Variants in EIF2S3B observed in about 807,000 individuals in gnomAD.
EIF2S3B encodes the protein eukaryotic translation initiation factor 2 subunit gamma B.
A neutral mutation model predicts 26.4 loss-of-function variants in EIF2S3B; 16 were observed. The ratio of observed to expected loss-of-function variants is 0.61; its 90% CI spans 0.41 to 0.92. The LOEUF (loss-of-function observed/expected upper bound fraction) is 0.92, where lower values mean the gene tolerates loss of function less well. EIF2S3B is among the 40% of genes least tolerant of loss of function. The probability of loss-of-function intolerance (pLI) is 0.00; values close to 1 mark genes in which losing one functional copy is unlikely to be tolerated. For missense variants in EIF2S3B, 510 were observed against 575.5 expected (o/e 0.89, Z 1.16); for synonymous variants, 183 against 204.4 (o/e 0.90, Z 0.89).
intron 1 of EIF2S3B, among the ~76,000 whole-genome samples, chr12:10,518,140 A>G (rs916114120): frequency 6.6e-6 from 1 of 152,108 alleles, no homozygotes; most frequent in Non-Finnish European, 1.5e-5. Flanking sequence ...CTTGGTGCAG[A>G]GCTGAGTTCA....
chr12:10,508,624 T>TTA (rs539652616), downstream of EIF2S3B, among the ~76,000 whole-genome samples: 377 of 151,762 alleles, frequency 2.5e-3, 3 homozygotes, highest in Non-Finnish European at 4.4e-3. Flanking sequence ...GGCATTGTGA[T>TTA]TATACATCCC....
chr12:10,511,651 C>T (rs73062509), downstream of EIF2S3B, among the ~76,000 whole-genome samples: 21,774 of 152,056 alleles, frequency 0.14, 1,598 homozygotes, highest in Middle Eastern at 0.17. Flanking sequence ...TTAAAGAATT[C>T]AGCTGGCTTT....
chr12:10,514,288 T>A (rs1156257338), intron 1 of EIF2S3B, among the ~76,000 whole-genome samples: 2 of 152,162 alleles, frequency 1.3e-5, no homozygotes, highest in Non-Finnish European at 2.9e-5. Flanking sequence ...TTCTAAATGT[T>A]GACTTATCCT....
At chr12:10,510,398 C>T (rs1290409935), downstream of EIF2S3B, among the ~76,000 whole-genome samples, 1 of 152,146 alleles carries the variant, frequency 6.6e-6, no homozygotes, top group Non-Finnish European at 1.5e-5. Flanking sequence ...ATACCTGCTC[C>T]TCTTTGTCAT....
Position 10,506,817 on chromosome 12 carries a change from T to C in EIF2S3B, c.915T>C (p.Ser305=). The change falls in exon 1 of 1, where the codon AGT becomes AGC. Residue 305 remains serine (S), a synonymous_variant. Coordinates refer to ENST00000538173, the MANE Select transcript of EIF2S3B (RefSeq NM_001357734.3). ...GACCTGGTATTGTTTCCAAAGATAG[T>C]GAAGGAAAACTCATGTGTAAATCAA... is the stretch of plus-strand genomic sequence containing the variant. ...EVRPGIVSKD[S]EGKLMCKSIF... is the part of the protein sequence containing the mutation. 1 of 1,613,488 alleles carries C rather than the reference T, an allele frequency of 6.2e-7. No homozygotes were observed. The highest frequency in any genetic ancestry group is 8.5e-7 in the Non-Finnish European group (1 of 1,179,430).
At chr12:10,508,704 C>T (rs1864673732), downstream of EIF2S3B, among the ~76,000 whole-genome samples, 1 of 151,638 alleles carries the variant, frequency 6.6e-6, no homozygotes. Flanking sequence ...CCCTTATTAG[C>T]TTAAGGGAAT....
At chr12:10,520,401 C>A (rs1350533340) in intron 1 of EIF2S3B, among the ~76,000 whole-genome samples, 1 of 146,266 alleles carries the variant, frequency 6.8e-6, no homozygotes, top group East Asian at 2.1e-4. Flanking sequence ...AGGAGATATA[C>A]CTAATGCTAA....
chr12:10,506,955 C>T lies in EIF2S3B; in HGVS notation c.1053C>T (p.Asp351=). ...TTGACCCCACTTTGTGCCGGGCTGACAGAATGGTGGGGCAAATACTTGGTG... is the reference window on the plus strand; with the variant it reads ...TTGACCCCACTTTGTGCCGGGCTGATAGAATGGTGGGGCAAATACTTGGTG... ...TKIDPTLCRA[D]RMVGQILGAV... Residue 351 remains aspartate (D), a synonymous_variant, in exon 1 of 1, where the codon GAC becomes GAT. Coordinates refer to ENST00000538173, the MANE Select transcript of EIF2S3B (RefSeq NM_001357734.3). 1 of 1,613,824 alleles carries T rather than the reference C, an allele frequency of 6.2e-7. No homozygotes were observed. The highest frequency in any genetic ancestry group is 8.5e-7 in the Non-Finnish European group (1 of 1,179,732).
chr12:10,516,619 T>C (rs1362709874), intron 1 of EIF2S3B, among the ~76,000 whole-genome samples: 1 of 151,914 alleles, frequency 6.6e-6, no homozygotes, highest in Non-Finnish European at 1.5e-5. Flanking sequence ...TCCTGCCTAA[T>C]TGCCCTGGCC....
chr12:10,518,185 T>A (rs1864785862), intron 1 of EIF2S3B, among the ~76,000 whole-genome samples: 1 of 152,170 alleles, frequency 6.6e-6, no homozygotes. Flanking sequence ...TCTGTCTCAT[T>A]GATCTGTCTA....
exon 2 of EIF2S3B, chr12:10,522,867 A>G (rs73070558): frequency 4.2e-6 from 2 of 478,062 alleles, no homozygotes; most frequent in Admixed American, 6.7e-5. Flanking sequence ...CCAGCCCTAC[A>G]CCTGGACTTC....
chr12:10,517,355 G>A (rs538275277), intron 1 of EIF2S3B, among the ~76,000 whole-genome samples: 16,895 of 150,788 alleles, frequency 0.11, 1,160 homozygotes, highest in Non-Finnish European at 0.17. Context: ...TGTATGTGTC[G>A]AGGAATTTAT....
At chr12:10,521,841 C>G (rs113339812) in intron 1 of EIF2S3B, among the ~76,000 whole-genome samples, 4,702 of 152,198 alleles carry the variant, frequency 0.031, 217 homozygotes, top group African/African-American at 0.1. Flanking sequence ...TTCAACCTTC[C>G]ACAAAACAAA....
chr12:10,518,811 A>C (rs1380578798), intron 1 of EIF2S3B, among the ~76,000 whole-genome samples: 1 of 151,930 alleles, frequency 6.6e-6, no homozygotes, highest in Admixed American at 6.6e-5. Context: ...AGGGATGTGA[A>C]GGACCTCTTC....
chr12:10,509,318 A>T (rs1414916329), downstream of EIF2S3B, among the ~76,000 whole-genome samples: 1 of 152,066 alleles, frequency 6.6e-6, no homozygotes, highest in Non-Finnish European at 1.5e-5. Flanking sequence ...AAATATTAAG[A>T]GTATTATCTT....
intron 1 of EIF2S3B, among the ~76,000 whole-genome samples, chr12:10,514,800 T>A (rs921354515): frequency 1.3e-5 from 2 of 152,182 alleles, no homozygotes; most frequent in African/African-American, 2.4e-5. Context: ...ATTGCTTTTT[T>A]TCATGATGCC....
chr12:10,522,728 A>C, exon 2 of EIF2S3B: 1 of 683,652 alleles, frequency 1.5e-6, no homozygotes, highest in Non-Finnish European at 2.7e-6. Flanking sequence ...AAAAAAGACA[A>C]AAGAAAACAT....
chr12:10,522,822 A>C, exon 2 of EIF2S3B: 1 of 515,794 alleles, frequency 1.9e-6, no homozygotes, highest in Non-Finnish European at 3.5e-6. Flanking sequence ...GGAAGAACTT[A>C]GGTTCCTGAA....
chr12:10,520,169 AC>A (rs1346113221), intron 1 of EIF2S3B, among the ~76,000 whole-genome samples: 3 of 151,336 alleles, frequency 2.0e-5, no homozygotes, highest in Admixed American at 6.6e-5. Flanking sequence ...ACCATGGAAT[AC>A]TATGCAGCCA....
Sources: allele counts gnomAD v4.1 joint callset (sites outside exome capture counted in the v4.1 genomes callset), GRCh38; gene constraint gnomAD v4.1.1; transcripts MANE v1.5; gene names NCBI Gene and HGNC (gene_info 2026-07-23, HGNC 2026-07-21).